THSD4: variants seen among roughly 807,000 people sequenced by gnomAD.
THSD4 encodes the protein thrombospondin type-1 domain-containing protein 4.
THSD4 carries 69 observed loss-of-function variants against 119.0 expected under a neutral mutation model. That is an observed-to-expected ratio of 0.58 (90% confidence interval 0.48 to 0.71). The LOEUF is 0.71. Ranked by LOEUF, THSD4 falls within the 30% of genes least tolerant of loss-of-function variation. The probability of loss-of-function intolerance (pLI) is 0.00; values close to 1 mark genes in which losing one functional copy is unlikely to be tolerated. For missense variants in THSD4, 1,393 were observed against 1,391.1 expected (o/e 1.00, Z -0.02); for synonymous variants, 524 against 540.4 (o/e 0.97, Z 0.42).
intron 7 of THSD4, among the ~76,000 whole-genome samples, chr15:71,487,943 C>T (rs1044906104): frequency 6.6e-6 from 1 of 151,908 alleles, no homozygotes; most frequent in African/African-American, 2.4e-5. Flanking sequence ...TGTATGTAAC[C>T]ATATCACCTG....
intron 6 of THSD4, among the ~76,000 whole-genome samples, chr15:71,298,608 CTTTTTTTTT>C (rs60709646): frequency 1.1e-5 from 1 of 90,274 alleles, no homozygotes; most frequent in African/African-American, 4.4e-5. Context: ...TATGTGCTGA[CTTTTTTTTT>C]TTTTTTTTTT....
chr15:71,490,405 G>A (rs1048272314), intron 7 of THSD4, among the ~76,000 whole-genome samples: 6 of 151,806 alleles, frequency 4.0e-5, no homozygotes, highest in African/African-American at 7.3e-5. Flanking sequence ...CTAAAAATAC[G>A]AAAAATTAGC....
chr15:71,416,639 C>A lies in THSD4; in HGVS notation c.1152+4816C>A, dbSNP rs1179814651. On this transcript the variant is annotated intron_variant, in intron 7 of 17. Transcript: ENST00000261862. ...TACCTCTTTTCCATTTGTATGTCTT[C>A]TTTTAAGAAATGTTTATTGAAATCG... is the stretch of plus-strand genomic sequence containing the variant. Among the ~76,000 whole-genome samples the A allele has an allele frequency of 1.8e-5, 2 of 108,324 alleles. 1 individual carries two copies. Among genetic ancestry groups the A allele is most frequent in the African/African-American group, 6.3e-5 (2 of 31,896 alleles). The allele number at this position is 108,324 out of a possible 152,430, so 71.1% of individuals were successfully genotyped here. A position where few individuals can be genotyped will look rare whatever the true frequency, so the allele number is the denominator to read the frequency against.
intron 7 of THSD4, among the ~76,000 whole-genome samples, chr15:71,619,704 CAAA>C (rs1414415600): frequency 6.6e-6 from 1 of 152,158 alleles, no homozygotes; most frequent in Non-Finnish European, 1.5e-5. Context: ...CATGTAACTC[CAAA>C]CAGAACATAC....
At chr15:71,727,531 T>TAAAAAAA (rs368424121) in intron 8 of THSD4, among the ~76,000 whole-genome samples, 11 of 15,696 alleles carry the variant, frequency 7.0e-4, no homozygotes, top group African/African-American at 3.4e-3. Flanking sequence ...CCCCATCTCT[T>TAAAAAAA]AAAAAAAAAA....
At chr15:71,228,513 G>A (rs2044036096) in intron 4 of THSD4, among the ~76,000 whole-genome samples, 1 of 152,236 alleles carries the variant, frequency 6.6e-6, no homozygotes, top group Non-Finnish European at 1.5e-5. Flanking sequence ...AGCAGCTACA[G>A]AAACTAATGC....
At chr15:71,638,994 AGCT>A (rs1218523069) in intron 7 of THSD4, among the ~76,000 whole-genome samples, 6 of 152,196 alleles carry the variant, frequency 3.9e-5, no homozygotes, top group Non-Finnish European at 8.8e-5. Context: ...GTCCCCCAAC[AGCT>A]GCAAAATTTG....
chr15:71,117,039 C>T (rs1596206166), intron 1 of THSD4, among the ~76,000 whole-genome samples: 1 of 152,050 alleles, frequency 6.6e-6, no homozygotes. Flanking sequence ...TCCTATAAAT[C>T]TCTGCAGGGC....
chr15:71,502,852 A>C (rs2048131932), intron 7 of THSD4, among the ~76,000 whole-genome samples: 1 of 152,188 alleles, frequency 6.6e-6, no homozygotes, highest in Non-Finnish European at 1.5e-5. Flanking sequence ...AAATGGCCAA[A>C]ATAAGAACTA....
intron 7 of THSD4, among the ~76,000 whole-genome samples, chr15:71,629,264 A>G (rs1390905835): frequency 6.6e-6 from 1 of 152,172 alleles, no homozygotes; most frequent in African/African-American, 2.4e-5. Context: ...AAGCTGGACA[A>G]CTGACAGCCT....
upstream of THSD4, chr15:71,111,264 C>G (rs2040302485): frequency 1.2e-6 from 2 of 1,613,900 alleles, no homozygotes; most frequent in Non-Finnish European, 1.7e-6. Flanking sequence ...CCTGACACTT[C>G]ATGGGAATCC....
intron 6 of THSD4, among the ~76,000 whole-genome samples, chr15:71,410,964 C>G (rs1332397025): frequency 6.6e-6 from 1 of 152,210 alleles, no homozygotes; most frequent in African/African-American, 2.4e-5. Context: ...AGGAGAATCA[C>G]TTGAACCCGG....
chr15:71,457,683 T>A (rs920708419), intron 7 of THSD4, among the ~76,000 whole-genome samples: 2 of 152,180 alleles, frequency 1.3e-5, no homozygotes, highest in Non-Finnish European at 2.9e-5. Flanking sequence ...CTCATTCACT[T>A]CTTCGATGCT....
intron 1 of THSD4, among the ~76,000 whole-genome samples, chr15:71,133,322 G>C (rs1480642881): frequency 1.3e-5 from 2 of 152,118 alleles, no homozygotes; most frequent in Non-Finnish European, 2.9e-5. Flanking sequence ...TTGGATCCTG[G>C]GCTGCGCAGT....
chr15:71,343,643 G>A (rs1255768749), intron 6 of THSD4, among the ~76,000 whole-genome samples: 1 of 150,972 alleles, frequency 6.6e-6, no homozygotes. Context: ...GAAAATCCCT[G>A]TGCTTTCTCT....
At chr15:71,222,818 G>A (rs1211742766) in intron 4 of THSD4, among the ~76,000 whole-genome samples, 3 of 152,154 alleles carry the variant, frequency 2.0e-5, no homozygotes, top group Non-Finnish European at 4.4e-5. Flanking sequence ...TGCTTTATTA[G>A]AATCTAGAAG....
intron 1 of THSD4, among the ~76,000 whole-genome samples, chr15:71,104,997 T>G (rs2040268372): frequency 6.6e-6 from 1 of 152,134 alleles, no homozygotes; most frequent in South Asian, 2.1e-4. Context: ...TGGTCTGTAT[T>G]TTAATATTAA....
At chr15:71,744,296 T>C (rs147972079) in intron 11 of THSD4, among the ~76,000 whole-genome samples, 2 of 152,220 alleles carry the variant, frequency 1.3e-5, no homozygotes, top group East Asian at 3.9e-4. Flanking sequence ...TTCAACACCA[T>C]TCAAACATTC....
chr15:71,154,189 C>T (rs1294263462), intron 2 of THSD4, among the ~76,000 whole-genome samples: 1 of 152,176 alleles, frequency 6.6e-6, no homozygotes, highest in African/African-American at 2.4e-5. Flanking sequence ...GATGGAGCTG[C>T]GATTCTAGCC....
Sources: gnomAD v4.1 joint callset for allele counts (sites outside exome capture counted in the v4.1 genomes callset) on GRCh38, gnomAD v4.1.1 for gene constraint, MANE v1.5 for transcripts, NCBI Gene and HGNC (gene_info 2026-07-23, HGNC 2026-07-21) for gene names.